AGTPBP1: variants seen among roughly 807,000 people sequenced by gnomAD.
The protein encoded by AGTPBP1 is ATP/GTP binding carboxypeptidase 1, also known as cytosolic carboxypeptidase 1.
AGTPBP1 carries 70 observed loss-of-function variants against 143.9 expected under a neutral mutation model. That is an observed-to-expected ratio of 0.49 (90% CI 0.40 to 0.59). AGTPBP1 has a LOEUF of 0.59. AGTPBP1 is among the 20% of genes least tolerant of loss of function. AGTPBP1 has a pLI of 0.00. For missense variants in AGTPBP1, 1,229 were observed against 1,464.5 expected (o/e 0.84, Z 2.62); for synonymous variants, 463 against 500.2 (o/e 0.93, Z 0.99).
chr9:85,679,559 C>G (rs532939009), intron 4 of AGTPBP1, among the ~76,000 whole-genome samples: 2 of 152,166 alleles, frequency 1.3e-5, no homozygotes, highest in Non-Finnish European at 2.9e-5. Flanking sequence ...AGGCGTCCGC[C>G]ACCACATCCA....
At chr9:85,705,003 A>G (rs1587941007) in intron 2 of AGTPBP1, among the ~76,000 whole-genome samples, 1 of 152,120 alleles carries the variant, frequency 6.6e-6, no homozygotes, top group Admixed American at 6.5e-5. Flanking sequence ...TCCAAAATAA[A>G]AGAGAGAGAA....
chr9:85,550,158 C>A (rs1825950580), intron 25 of AGTPBP1, among the ~76,000 whole-genome samples: 1 of 149,098 alleles, frequency 6.7e-6, no homozygotes, highest in Non-Finnish European at 1.5e-5. Context: ...GAGGTATACA[C>A]AAGTGTGTAC....
chr9:85,749,628 C>T, the AGTPBP1 span, among the ~76,000 whole-genome samples: 2,427 of 149,552 alleles, frequency 0.016, 26 homozygotes, highest in Middle Eastern at 0.037. Context: ...TATGAGAACT[C>T]CTGAAATTGT....
chr9:85,648,008 A>C (rs1379437621), intron 11 of AGTPBP1, among the ~76,000 whole-genome samples: 1 of 152,176 alleles, frequency 6.6e-6, no homozygotes, highest in Non-Finnish European at 1.5e-5. Context: ...TACGGGTGGA[A>C]GGTGACCAAC....
At chr9:85,638,444 A>C (rs1832230127) in intron 13 of AGTPBP1, among the ~76,000 whole-genome samples, 1 of 152,060 alleles carries the variant, frequency 6.6e-6, no homozygotes, top group East Asian at 1.9e-4. Flanking sequence ...AAGGCAAGAA[A>C]AAGAGATAAA....
At chr9:85,557,858 A>G (rs1826449168) in intron 25 of AGTPBP1, among the ~76,000 whole-genome samples, 1 of 152,194 alleles carries the variant, frequency 6.6e-6, no homozygotes, top group Non-Finnish European at 1.5e-5. Flanking sequence ...TATAGCAACT[A>G]TTATCTTTGT....
the AGTPBP1 span, among the ~76,000 whole-genome samples, chr9:85,752,905 C>T: frequency 6.6e-6 from 1 of 152,098 alleles, no homozygotes; most frequent in East Asian, 1.9e-4. Context: ...GTCCTAGCTA[C>T]TTGGGAGGCT....
rs1264292953 is a variant in AGTPBP1, at chr9:85,590,640, G to C, written c.2569-959C>G. ...TACCCTAGGGAAAATAGAGAGTGCTGTGAGAGCCTGTAATAAGGGGAGGGG... is the reference window on the plus strand; with the variant it reads ...TACCCTAGGGAAAATAGAGAGTGCTCTGAGAGCCTGTAATAAGGGGAGGGG... On this transcript the variant is annotated intron_variant, in intron 19 of 25. Transcript: ENST00000357081. Among the ~76,000 whole-genome samples, 3 of 152,244 alleles carry C rather than the reference G, an allele frequency of 2.0e-5. No homozygotes were observed. In the East Asian group the frequency reaches 5.8e-4, roughly 29 times the overall value.
chr9:85,706,779 G>A (rs1837035265), intron 2 of AGTPBP1, among the ~76,000 whole-genome samples: 3 of 151,974 alleles, frequency 2.0e-5, no homozygotes, highest in South Asian at 2.1e-4. Flanking sequence ...GGGAGGCTGA[G>A]GCAGGAGAAT....
At chr9:85,749,105 C>A in the AGTPBP1 span, among the ~76,000 whole-genome samples, 3 of 151,242 alleles carry the variant, frequency 2.0e-5, no homozygotes, top group Non-Finnish European at 4.4e-5. Flanking sequence ...AGCGATCCTC[C>A]CACCTTAGCC....
intron 17 of AGTPBP1, among the ~76,000 whole-genome samples, chr9:85,602,547 A>G (rs1006598934): frequency 6.6e-6 from 1 of 152,210 alleles, no homozygotes; most frequent in Non-Finnish European, 1.5e-5. Flanking sequence ...TGTTGCAGGA[A>G]GCAAAGAGAA....
chr9:85,764,554 A>AC, the AGTPBP1 span, among the ~76,000 whole-genome samples: 40 of 151,676 alleles, frequency 2.6e-4, no homozygotes, highest in Admixed American at 2.2e-3. Flanking sequence ...GAAAATGAAT[A>AC]CCCCCTCCCT....
At position 85,633,121 on chromosome 9, in the gene AGTPBP1, G is replaced by T. The variant is rs763894409; in HGVS notation, c.1556C>A (p.Thr519Asn). Residue 519 changes from threonine (T) to asparagine (N), a missense_variant, in exon 14 of 26, where the codon ACT (threonine) becomes AAT (asparagine). By Grantham distance (65) the Thr-to-Asn change is moderately conservative. This residue lies in a region of AGTPBP1 where 743 missense variants were observed against 812.2 expected (regional missense o/e 0.91). Coordinates refer to ENST00000357081, the MANE Select transcript of AGTPBP1 (RefSeq NM_001330701.2). ...GTTTAAACCATGGACTGATGAAATA[G>T]TTCTATTTTGATCACCTGGCTGCTG... is the stretch of plus-strand genomic sequence containing the variant. ...LQQQPGDQNR[T>N]ISSVHGLNND... 93 of 1,613,964 alleles carry T rather than the reference G, an allele frequency of 5.8e-5. No homozygotes were observed. Among genetic ancestry groups the T allele is most frequent in the Non-Finnish European group, 7.8e-5 (92 of 1,180,010 alleles).
At chr9:85,686,197 A>G (rs1402896322) in intron 3 of AGTPBP1, among the ~76,000 whole-genome samples, 1 of 152,110 alleles carries the variant, frequency 6.6e-6, no homozygotes, top group Non-Finnish European at 1.5e-5. Flanking sequence ...ATCCAACTAT[A>G]TACTGTCTAC....
chr9:85,643,140 TTTG>T, intron 12 of AGTPBP1, 197 bp from the exon 13 acceptor site: 1 of 529,180 alleles, frequency 1.9e-6, no homozygotes, highest in South Asian at 2.5e-5. Flanking sequence ...GTTGGGTAGT[TTTG>T]TTTTGTTTTT....
chr9:85,759,819 C>A, the AGTPBP1 span, among the ~76,000 whole-genome samples: 1 of 152,008 alleles, frequency 6.6e-6, no homozygotes, highest in African/African-American at 2.4e-5. Context: ...TTCAAAAAAT[C>A]AGTGAATCAA....
chr9:85,725,765 G>A (rs1838432757), intron 1 of AGTPBP1, among the ~76,000 whole-genome samples: 1 of 152,002 alleles, frequency 6.6e-6, no homozygotes, highest in Non-Finnish European at 1.5e-5. Context: ...TAAAAATTAG[G>A]TCAGGCGCAG....
the AGTPBP1 span, among the ~76,000 whole-genome samples, chr9:85,776,366 C>T: frequency 1.3e-5 from 2 of 152,152 alleles, no homozygotes; most frequent in African/African-American, 2.4e-5. Flanking sequence ...TTCTGCTACC[C>T]ATTCTTTATT....
chr9:85,741,830 C>T lies in AGTPBP1; in HGVS notation c.-89G>A. 7.1e-7 allele frequency: 1 copy of T among 1,405,042 alleles called. No individual in the cohort carries two copies. The highest frequency in any genetic ancestry group is 9.2e-7 in the Non-Finnish European group (1 of 1,081,480). 87.0% of individuals were successfully genotyped at this position (1,405,042 alleles called of 1,614,324 possible). ...CGCAGAGCCGCAGCACCCGGCTCAG[C>T]ACCTGGATCACGGCGGATCCCTCGC... On this transcript the variant is annotated 5_prime_UTR_variant, in exon 1 of 26. Coordinates refer to ENST00000357081, the MANE Select transcript of AGTPBP1 (RefSeq NM_001330701.2).
Sources: gnomAD v4.1 joint callset for allele counts (sites outside exome capture counted in the v4.1 genomes callset) on GRCh38, gnomAD v4.1.1 for gene constraint, gnomAD v4.1.1 regional missense constraint, MANE v1.5 for transcripts, NCBI Gene and HGNC (gene_info 2026-07-23, HGNC 2026-07-21) for gene names.